Variants in FGF1 observed in about 807,000 individuals in gnomAD.
FGF1 encodes the protein beta-endothelial cell growth factor.
In FGF1, 9 loss-of-function variants were observed where a neutral mutation model predicts 13.4. That is an observed-to-expected ratio of 0.67 (90% CI 0.40 to 1.17). FGF1 has a LOEUF of 1.17. FGF1 is among the 50% of genes most tolerant of loss of function. The pLI is 0.01. For synonymous variants in FGF1, 93 were observed against 79.0 expected, an observed-to-expected ratio of 1.18 and a Z score of -0.94; for missense variants, 156 against 192.7, an observed-to-expected ratio of 0.81 and a Z score of 1.13.
upstream of FGF1, among the ~76,000 whole-genome samples, chr5:142,690,794 C>T (rs891644970): frequency 6.6e-6 from 1 of 152,180 alleles, no homozygotes; most frequent in African/African-American, 2.4e-5. Context: ...GGAACAAAAG[C>T]CAAGCTCACT....
rs34008 is a variant in FGF1 at position 142,600,142 on chromosome 5, G to A, written c.273+560C>T. On this transcript the variant is annotated intron_variant, in intron 3 of 3. Coordinates refer to ENST00000337706, the MANE Select transcript of FGF1 (RefSeq NM_000800.5). Reference sequence around the variant, plus strand: ...CCCAGCACTTTGGAAGGCTGAGGCCGCTCGAGCCCAGGAGTTTGAGACCAG... The same window carrying A: ...CCCAGCACTTTGGAAGGCTGAGGCCACTCGAGCCCAGGAGTTTGAGACCAG... Among the ~76,000 whole-genome samples, 6 of 152,302 alleles carry A rather than the reference G, an allele frequency of 3.9e-5. No individual in the cohort carries two copies. In the East Asian group the frequency reaches 7.7e-4, roughly 20 times the overall value.
At chr5:142,635,137 C>T (rs1764032656) in intron 1 of FGF1, among the ~76,000 whole-genome samples, 1 of 151,856 alleles carries the variant, frequency 6.6e-6, no homozygotes, top group Non-Finnish European at 1.5e-5. Context: ...AGACCTGGCT[C>T]CCCCTGTGGC....
chr5:142,670,487 G>A (rs1771244960), intron 1 of FGF1, among the ~76,000 whole-genome samples: 1 of 152,200 alleles, frequency 6.6e-6, no homozygotes, highest in Non-Finnish European at 1.5e-5. Flanking sequence ...CCCACGGTGT[G>A]GTGCTTTGCC....
intron 2 of FGF1, among the ~76,000 whole-genome samples, chr5:142,693,207 G>A (rs1032169183): frequency 6.6e-6 from 1 of 152,120 alleles, no homozygotes; most frequent in African/African-American, 2.4e-5. Context: ...GAGCTTACAG[G>A]GTGAGATCAC....
chr5:142,621,115 C>T (rs1597168887), intron 1 of FGF1, among the ~76,000 whole-genome samples: 1 of 152,314 alleles, frequency 6.6e-6, no homozygotes, highest in African/African-American at 2.4e-5. Context: ...AGTGACCATT[C>T]TAACTCATCA....
At chr5:142,677,585 T>G (rs987029438) in intron 1 of FGF1, among the ~76,000 whole-genome samples, 1 of 152,174 alleles carries the variant, frequency 6.6e-6, no homozygotes, top group Non-Finnish European at 1.5e-5. Flanking sequence ...GAGAGGCTCT[T>G]GATGCAAAAG....
At chr5:142,634,357 T>C (rs1047887929) in intron 1 of FGF1, among the ~76,000 whole-genome samples, 1 of 152,226 alleles carries the variant, frequency 6.6e-6, no homozygotes, top group Non-Finnish European at 1.5e-5. Context: ...GAAATAAGAA[T>C]CCAGCCAGTC....
intron 1 of FGF1, among the ~76,000 whole-genome samples, chr5:142,667,678 T>C (rs757482567): frequency 2.6e-5 from 4 of 151,662 alleles, no homozygotes; most frequent in South Asian, 2.1e-4. Flanking sequence ...AAAGGGAAGA[T>C]GACAGGAGCG....
At chr5:142,651,939 G>A (rs1335732564) in intron 1 of FGF1, among the ~76,000 whole-genome samples, 1 of 151,770 alleles carries the variant, frequency 6.6e-6, no homozygotes, top group East Asian at 1.9e-4. Flanking sequence ...CCTAATCTGA[G>A]AGAATTTGTA....
rs144992460 is a variant in FGF1 at position 142,638,548 on chromosome 5, AG to A, written c.-34-24388del. 2.0e-5 allele frequency among the ~76,000 whole-genome samples: 3 copies of A among 152,200 alleles called. 1 individual carries two copies. The highest frequency in any genetic ancestry group is 7.2e-5 in the African/African-American group (3 of 41,424). ...CAAAGATCAACTCAAAATGAATTGA[AG>A]TCTCACATGTAAGACCAGAGTTTGT... On this transcript the variant is annotated intron_variant, in intron 1 of 3. Coordinates refer to ENST00000337706, the MANE Select transcript of FGF1 (RefSeq NM_000800.5).
intron 1 of FGF1, among the ~76,000 whole-genome samples, chr5:142,684,697 A>G (rs1774354663): frequency 6.6e-6 from 1 of 152,242 alleles, no homozygotes. Flanking sequence ...AAACAGCTCC[A>G]GTAAACTGCT....
chr5:142,599,671 C>T (rs1756056223), intron 3 of FGF1, among the ~76,000 whole-genome samples: 1 of 152,186 alleles, frequency 6.6e-6, no homozygotes, highest in Non-Finnish European at 1.5e-5. Context: ...ACTCCTGTCA[C>T]AGAGATACCA....
intron 1 of FGF1, among the ~76,000 whole-genome samples, chr5:142,662,728 C>A (rs895205506): frequency 6.6e-6 from 1 of 152,126 alleles, no homozygotes; most frequent in Non-Finnish European, 1.5e-5. Context: ...CCTGGGGGAA[C>A]TTAGAACAAA....
intron 1 of FGF1, among the ~76,000 whole-genome samples, chr5:142,616,602 G>A (rs545087221): frequency 6.6e-6 from 1 of 152,094 alleles, no homozygotes; most frequent in African/African-American, 2.4e-5. Context: ...TTATCCATAA[G>A]CCTCTAAGTC....
At chr5:142,651,702 A>C (rs1057222893) in intron 1 of FGF1, among the ~76,000 whole-genome samples, 1 of 152,042 alleles carries the variant, frequency 6.6e-6, no homozygotes, top group African/African-American at 2.4e-5. Flanking sequence ...CTGCCTCCAT[A>C]GTTTTGCCTT....
At chr5:142,606,081 GCA>G (rs34409284) in intron 2 of FGF1, among the ~76,000 whole-genome samples, 7,749 of 152,124 alleles carry the variant, frequency 0.051, 315 homozygotes, top group African/African-American at 0.1. Flanking sequence ...CATGGTCCCT[GCA>G]CTTGGGGCTT....
intron 2 of FGF1, among the ~76,000 whole-genome samples, chr5:142,692,385 A>T (rs961850479): frequency 3.3e-5 from 5 of 151,152 alleles, no homozygotes; most frequent in African/African-American, 1.2e-4. Flanking sequence ...ACCCAAGAGG[A>T]ACCATTGAGA....
At chr5:142,669,641 G>C (rs374904863) in intron 1 of FGF1, among the ~76,000 whole-genome samples, 1 of 152,244 alleles carries the variant, frequency 6.6e-6, no homozygotes, top group African/African-American at 2.4e-5. Context: ...CTGGCAGGAC[G>C]ACTGCTGCAC....
At chr5:142,644,146 G>T (rs1359524110) in intron 1 of FGF1, 2 of 152,214 alleles carry the variant, frequency 1.3e-5, no homozygotes, top group African/African-American at 4.8e-5. Context: ...CTGCAGAAGT[G>T]GCAAAGCCCT....
Sources: allele counts gnomAD v4.1 joint callset (sites outside exome capture counted in the v4.1 genomes callset), GRCh38; gene constraint gnomAD v4.1.1; transcripts MANE v1.5; gene names NCBI Gene and HGNC (gene_info 2026-07-23, HGNC 2026-07-21).